The following IKBKB-DT variants were observed in gnomAD, a reference collection of about 807,000 sequenced individuals.
IKBKB-DT encodes IKBKB antisense RNA.
chr8:42,271,109 G>A, exon 1 of IKBKB-DT: 2 of 472,310 alleles, frequency 4.2e-6, no homozygotes, highest in Non-Finnish European at 7.6e-6. Context: ...GTCATTTCAG[G>A]GCTGTTCTTT....
chr8:42,267,255 C>A (rs1585470960), intron 1 of IKBKB-DT, among the ~76,000 whole-genome samples: 1 of 152,112 alleles, frequency 6.6e-6, no homozygotes, highest in East Asian at 1.9e-4. Flanking sequence ...CCACCTGCCT[C>A]CCAAAGTGCT....
intron 3 of IKBKB-DT, among the ~76,000 whole-genome samples, chr8:42,249,971 T>C (rs912645066): frequency 7.9e-5 from 12 of 152,206 alleles, no homozygotes; most frequent in African/African-American, 2.6e-4. Context: ...CAGTGAATTC[T>C]TGTCCACTGC....
At chr8:42,248,869 CAA>C (rs1326485245) in intron 3 of IKBKB-DT, among the ~76,000 whole-genome samples, 6 of 67,998 alleles carry the variant, frequency 8.8e-5, no homozygotes, top group South Asian at 4.9e-4. Flanking sequence ...GAGGCTCTAC[CAA>C]AAAAAAAAAA....
chr8:42,263,955 G>A (rs942474223), intron 2 of IKBKB-DT, among the ~76,000 whole-genome samples: 3 of 152,018 alleles, frequency 2.0e-5, no homozygotes, highest in African/African-American at 4.8e-5. Context: ...TGGATTACAG[G>A]CGCCCACCAC....
chr8:42,266,530 A>C (rs1807371371), intron 1 of IKBKB-DT: 1 of 152,410 alleles, frequency 6.6e-6, no homozygotes, highest in Non-Finnish European at 1.5e-5. Flanking sequence ...CCTTATCCTT[A>C]TCACTAGTAC....
chr8:42,260,216 G>T (rs1041146512), intron 3 of IKBKB-DT, among the ~76,000 whole-genome samples: 4 of 152,132 alleles, frequency 2.6e-5, no homozygotes, highest in African/African-American at 7.2e-5. Flanking sequence ...AGACAGTGGG[G>T]CTTCAGGAAG....
rs141122089 is a variant in IKBKB-DT, at chr8:42,259,713, G to A, written n.1529+3616C>T. Among the ~76,000 whole-genome samples the A allele has an allele frequency of 4.4e-4, 67 of 152,232 alleles. 3 individuals carry two copies. The highest frequency in any genetic ancestry group is 4.3e-3 in the East Asian group (22 of 5,174). ...ACGAGTTTAATTGGCCAGGCTCAGTGGCTCACACCTGTAATCCTAGTGCTT... is the reference window on the plus strand; with the variant it reads ...ACGAGTTTAATTGGCCAGGCTCAGTAGCTCACACCTGTAATCCTAGTGCTT... On this transcript the variant is annotated intron_variant and non_coding_transcript_variant, in intron 3 of 3. Coordinates refer to ENST00000518213, the Ensembl canonical transcript of IKBKB-DT.
chr8:42,270,160 T>A (rs925656529), intron 1 of IKBKB-DT, among the ~76,000 whole-genome samples: 1 of 152,104 alleles, frequency 6.6e-6, no homozygotes, highest in Admixed American at 6.6e-5. Flanking sequence ...AGGGTTTGAG[T>A]ATCAGCTCAT....
At chr8:42,265,021 C>T (rs1807352037) in intron 2 of IKBKB-DT, among the ~76,000 whole-genome samples, 2 of 151,824 alleles carry the variant, frequency 1.3e-5, no homozygotes, top group Non-Finnish European at 2.9e-5. Context: ...TGCCACCACG[C>T]CCAGCTAATT....
intron 3 of IKBKB-DT, among the ~76,000 whole-genome samples, chr8:42,234,705 C>T (rs1158453516): frequency 1.3e-5 from 2 of 152,148 alleles, no homozygotes; most frequent in African/African-American, 4.8e-5. Flanking sequence ...TCTTGGCTCA[C>T]TGCAACCTCC....
intron 3 of IKBKB-DT, among the ~76,000 whole-genome samples, chr8:42,243,276 G>A (rs555219601): frequency 2.0e-5 from 3 of 152,218 alleles, no homozygotes; most frequent in Admixed American, 6.5e-5. Flanking sequence ...GTGGGTGAGC[G>A]TTCTGCTCTG....
At chr8:42,234,931 T>C (rs1447840349) in intron 3 of IKBKB-DT, among the ~76,000 whole-genome samples, 1 of 152,118 alleles carries the variant, frequency 6.6e-6, no homozygotes, top group Non-Finnish European at 1.5e-5. Flanking sequence ...CGCTGGCCTA[T>C]TTTATAGTTT....
intron 3 of IKBKB-DT, among the ~76,000 whole-genome samples, chr8:42,236,972 G>C: frequency 6.6e-6 from 1 of 151,870 alleles, no homozygotes; most frequent in East Asian, 1.9e-4. Flanking sequence ...CTTCCACCTC[G>C]GCCTCCTAAA....
chr8:42,242,877 A>G lies in IKBKB-DT; in HGVS notation n.1530-9018T>C, dbSNP rs59365769. 1.4e-3 allele frequency among the ~76,000 whole-genome samples: 206 copies of G among 152,354 alleles called. 2 individuals are homozygous for G. In the East Asian group the frequency reaches 0.032, roughly 23 times the overall value. On this transcript the variant is annotated intron_variant and non_coding_transcript_variant, in intron 3 of 3. Coordinates refer to ENST00000518213, the Ensembl canonical transcript of IKBKB-DT. Reference sequence around the variant, plus strand: ...AGGACCGGACTTTGTAGTAATGAGCAGGCCACTCAACGAAGGCCCAGATCA... The same window carrying G: ...AGGACCGGACTTTGTAGTAATGAGCGGGCCACTCAACGAAGGCCCAGATCA...
At chr8:42,239,780 G>A (rs1436854056) in intron 3 of IKBKB-DT, among the ~76,000 whole-genome samples, 2 of 150,618 alleles carry the variant, frequency 1.3e-5, no homozygotes, top group African/African-American at 4.9e-5. Context: ...CAAATAGCTG[G>A]GAGTACAGGC....
intron 3 of IKBKB-DT, among the ~76,000 whole-genome samples, chr8:42,261,119 G>A (rs1807282671): frequency 6.6e-6 from 1 of 152,038 alleles, no homozygotes; most frequent in African/African-American, 2.4e-5. Context: ...TGAGCTCAGG[G>A]GTTTGAGACC....
chr8:42,269,885 C>T lies in IKBKB-DT; in HGVS notation n.603+766G>A, dbSNP rs762880415. The stretch of plus-strand genomic sequence containing the variant: ...GAGCCCGCCTGTCCCCCTGCTATTA[C>T]AATGAAGCAGATGAAACTGCTGATC... On this transcript the variant is annotated intron_variant and non_coding_transcript_variant, in intron 1 of 3. Coordinates refer to ENST00000518213, the Ensembl canonical transcript of IKBKB-DT. 2.6e-5 allele frequency among the ~76,000 whole-genome samples: 4 copies of T among 152,170 alleles called. No individual in the cohort carries two copies. The East Asian group carries it at 7.7e-4, about 29-fold the overall frequency.
At chr8:42,239,751 T>A (rs1270969585) in intron 3 of IKBKB-DT, among the ~76,000 whole-genome samples, 2 of 150,270 alleles carry the variant, frequency 1.3e-5, no homozygotes, top group Non-Finnish European at 3.0e-5. Context: ...GTTCAAGTGA[T>A]TCTCCTGCCT....
chr8:42,234,524 G>A (rs1011126680), intron 3 of IKBKB-DT, among the ~76,000 whole-genome samples: 5 of 152,222 alleles, frequency 3.3e-5, no homozygotes, highest in African/African-American at 1.2e-4. Flanking sequence ...TAAATCTGAT[G>A]TGTCTGACTG....
Sources: allele counts gnomAD v4.1 joint callset (sites outside exome capture counted in the v4.1 genomes callset), GRCh38; gene constraint gnomAD v4.1.1; transcripts MANE v1.5; gene names NCBI Gene and HGNC (gene_info 2026-07-23, HGNC 2026-07-21).